Variants in VWC2 observed in about 807,000 individuals in gnomAD.
VWC2 encodes von Willebrand factor C domain containing 2.
Under a neutral mutation model 29.8 loss-of-function variants are expected in VWC2, and 14 were observed. The observed-to-expected ratio is 0.47, with a 90% CI of 0.31 to 0.74. The LOEUF (loss-of-function observed/expected upper bound fraction) is 0.74, where lower values mean the gene tolerates loss of function less well. Among genes scored for constraint, VWC2 ranks in the 30% least tolerant of loss-of-function variants. The pLI is 0.05. For synonymous variants in VWC2, 213 were observed against 199.0 expected (o/e 1.07, Z -0.59); for missense variants, 457 against 459.8 (o/e 0.99, Z 0.05).
At position 49,861,237 on chromosome 7, in the gene VWC2, G is replaced by A. The variant is rs80340055; in HGVS notation, c.827-50797G>A. Among the ~76,000 whole-genome samples, 417 of 152,158 alleles carry A rather than the reference G, an allele frequency of 2.7e-3. 1 individual carries two copies. Among genetic ancestry groups the A allele is most frequent in the Non-Finnish European group, 5.1e-3 (349 of 68,000 alleles). On this transcript the variant is annotated intron_variant, in intron 3 of 3. Transcript: ENST00000340652. ...GTAAAATGGAATCCTATTGTGGTTTGTATTTGCATTTTCCTAATGATTAAT... is the reference window on the plus strand; with the variant it reads ...GTAAAATGGAATCCTATTGTGGTTTATATTTGCATTTTCCTAATGATTAAT...
intron 3 of VWC2, among the ~76,000 whole-genome samples, chr7:49,813,909 A>G (rs1265617753): frequency 6.6e-6 from 1 of 152,226 alleles, no homozygotes; most frequent in African/African-American, 2.4e-5. Context: ...TAGCAGAAAC[A>G]CACAATTCTG....
At chr7:49,804,115 T>C (rs919068725) in intron 3 of VWC2, among the ~76,000 whole-genome samples, 69 of 151,142 alleles carry the variant, frequency 4.6e-4, no homozygotes, top group African/African-American at 1.6e-3. Flanking sequence ...AATCCTGAGG[T>C]AGGATTCCAT....
intron 2 of VWC2, among the ~76,000 whole-genome samples, chr7:49,781,073 T>C (rs1374920982): frequency 1.3e-5 from 2 of 152,210 alleles, no homozygotes; most frequent in Admixed American, 1.3e-4. Flanking sequence ...CTGAAAACAA[T>C]GCTATTATTA....
chr7:49,854,441 A>C (rs1301371312), intron 3 of VWC2, among the ~76,000 whole-genome samples: 1 of 151,888 alleles, frequency 6.6e-6, no homozygotes, highest in Non-Finnish European at 1.5e-5. Flanking sequence ...TGTGGTTTTG[A>C]TTTGCATTTC....
rs1376513399 is a variant in VWC2 at position 49,916,009 on chromosome 7, T to C, written c.*3824T>C. The stretch of plus-strand genomic sequence containing the variant: ...AGATTAAGAGAGAACAATTTACTTA[T>C]TCAGGAATAAGTGCATTTTTACAGT... On this transcript the variant is annotated 3_prime_UTR_variant, in exon 4 of 4. Transcript: ENST00000340652. 1 of 152,224 alleles carries C rather than the reference T, an allele frequency of 6.6e-6. No homozygotes were observed. The highest frequency in any genetic ancestry group is 1.5e-5 in the Non-Finnish European group (1 of 68,044). The allele number at this position is 152,224 out of a possible 1,614,324, so 9.4% of individuals were successfully genotyped here.
chr7:49,802,870 G>A (rs748979528), intron 3 of VWC2, 30 bp downstream of exon 3: 43 of 1,613,488 alleles, frequency 2.7e-5, no homozygotes, highest in Non-Finnish European at 3.4e-5. Flanking sequence ...GTGACGGGGT[G>A]CACCTCCCAC....
intron 3 of VWC2, among the ~76,000 whole-genome samples, chr7:49,907,318 A>G (rs901084009): frequency 6.6e-6 from 1 of 152,222 alleles, no homozygotes; most frequent in Non-Finnish European, 1.5e-5. Flanking sequence ...ACCTGACTCT[A>G]TATGCCAGTG....
chr7:49,856,437 GC>G (rs1321937824), intron 3 of VWC2, among the ~76,000 whole-genome samples: 1 of 152,056 alleles, frequency 6.6e-6, no homozygotes, highest in African/African-American at 2.4e-5. Flanking sequence ...AAAGATGTTG[GC>G]CCCATGCTTC....
chr7:49,920,165 A>G lies in VWC2; in HGVS notation c.*7980A>G, dbSNP rs1793956059. On this transcript the variant is annotated 3_prime_UTR_variant, in exon 4 of 4. Transcript: ENST00000340652. ...GAAGCAAAATGGAACAGAGCAATAT[A>G]GAGCAAAACAGAGGTTTGTCTGAAA... 1 of 152,208 alleles carries G rather than the reference A, an allele frequency of 6.6e-6. No individual in the cohort carries two copies. The highest frequency in any genetic ancestry group is 2.1e-4 in the South Asian group (1 of 4,826). 9.4% of individuals were successfully genotyped at this position (152,208 alleles called of 1,614,324 possible). A position where few individuals can be genotyped will look rare whatever the true frequency, so the allele number is the denominator to read the frequency against.
chr7:49,837,529 G>A (rs1789691963), intron 3 of VWC2, among the ~76,000 whole-genome samples: 1 of 152,162 alleles, frequency 6.6e-6, no homozygotes, highest in Non-Finnish European at 1.5e-5. Context: ...GGCCGGGGGA[G>A]GTCATGGGGA....
At chr7:49,774,487 C>T (rs1186831168) in intron 1 of VWC2, among the ~76,000 whole-genome samples, 2 of 152,240 alleles carry the variant, frequency 1.3e-5, no homozygotes, top group Non-Finnish European at 2.9e-5. Flanking sequence ...GAAAGGCTGG[C>T]CGGGATCCAG....
chr7:49,908,470 T>A (rs1259810015), intron 3 of VWC2, among the ~76,000 whole-genome samples: 1 of 152,150 alleles, frequency 6.6e-6, no homozygotes, highest in Non-Finnish European at 1.5e-5. Context: ...AAATGTTTCA[T>A]TGTATGAGAA....
intron 3 of VWC2, among the ~76,000 whole-genome samples, chr7:49,897,001 T>C (rs1562759096): frequency 1.3e-5 from 2 of 151,334 alleles, no homozygotes; most frequent in Non-Finnish European, 2.9e-5. Context: ...GTTCACGCCA[T>C]TCTCCTGCCT....
intron 3 of VWC2, among the ~76,000 whole-genome samples, chr7:49,857,753 G>A (rs1790483179): frequency 6.6e-6 from 1 of 152,178 alleles, no homozygotes; most frequent in Non-Finnish European, 1.5e-5. Flanking sequence ...TTCTCAACAA[G>A]TTAAAAACAG....
intron 3 of VWC2, among the ~76,000 whole-genome samples, chr7:49,810,597 A>G (rs1196995107): frequency 6.6e-6 from 1 of 152,198 alleles, no homozygotes; most frequent in African/African-American, 2.4e-5. Context: ...ACAAAGTTGG[A>G]AAATTTGTAC....
chr7:49,829,558 T>C (rs1050093338), intron 3 of VWC2, among the ~76,000 whole-genome samples: 1 of 152,234 alleles, frequency 6.6e-6, no homozygotes, highest in Non-Finnish European at 1.5e-5. Flanking sequence ...GGGCTGATGT[T>C]TGGCTGCAGA....
intron 3 of VWC2, among the ~76,000 whole-genome samples, chr7:49,867,691 A>T (rs932082010): frequency 6.6e-6 from 1 of 152,202 alleles, no homozygotes; most frequent in Admixed American, 6.5e-5. Flanking sequence ...TTCTGGACCC[A>T]AGGCTCACCT....
chr7:49,775,492 C>T lies in VWC2; in HGVS notation c.57C>T (p.Thr19=). The change falls in exon 2 of 4, where the codon ACC becomes ACT. Residue 19 remains threonine (T), a synonymous_variant. Transcript: ENST00000340652. ...VGALSSSLLV[T]CCLMVALCSP... ...CGCTCTCCAGTTCCCTCCTGGTCAC[C>T]TGCTGCCTGATGGTGGCTCTGTGCA... The T allele has an allele frequency of 6.4e-7, 1 of 1,561,758 alleles. No individual in the cohort carries two copies. Among genetic ancestry groups the T allele is most frequent in the East Asian group, 2.5e-5 (1 of 39,552 alleles).
intron 3 of VWC2, among the ~76,000 whole-genome samples, chr7:49,885,443 CTTA>C (rs1244459605): frequency 6.6e-6 from 1 of 151,550 alleles, no homozygotes; most frequent in Non-Finnish European, 1.5e-5. Flanking sequence ...GAAAATTGCA[CTTA>C]TTGATACAGA....
Sources: allele counts gnomAD v4.1 joint callset (sites outside exome capture counted in the v4.1 genomes callset), GRCh38; gene constraint gnomAD v4.1.1; transcripts MANE v1.5; gene names NCBI Gene and HGNC (gene_info 2026-07-23, HGNC 2026-07-21).